The following GREB1L variants were observed in gnomAD, a reference collection of about 807,000 sequenced individuals.
The protein encoded by GREB1L is GREB1 like retinoic acid receptor coactivator, also known as GREB1-like protein.
Under a neutral mutation model 200.8 loss-of-function variants are expected in GREB1L, and 17 were observed. The observed-to-expected ratio is 0.08, with a 90% CI of 0.06 to 0.13. The LOEUF is 0.13. GREB1L is among the 10% of genes least tolerant of loss of function. The pLI is 1.00. For synonymous variants in GREB1L, 789 were observed against 893.0 expected, an observed-to-expected ratio of 0.88 and a Z score of 2.08; for missense variants, 1,657 against 2,367.7, an observed-to-expected ratio of 0.70 and a Z score of 6.23.
At chr18:21,335,890 C>G (rs572535328) in intron 1 of GREB1L, among the ~76,000 whole-genome samples, 1 of 152,090 alleles carries the variant, frequency 6.6e-6, no homozygotes, top group Admixed American at 6.5e-5. Flanking sequence ...GTCTCGATCT[C>G]CTGACCTCGT....
At chr18:21,335,853 C>CG (rs894712891) in intron 1 of GREB1L, among the ~76,000 whole-genome samples, 1 of 151,730 alleles carries the variant, frequency 6.6e-6, no homozygotes, top group Middle Eastern at 3.2e-3. Flanking sequence ...TTAGTAGAGA[C>CG]GGGGATTCAC....
At chr18:21,412,636 TGGGCAGAAGGA>T (rs1190010798) in intron 7 of GREB1L, among the ~76,000 whole-genome samples, 2 of 152,146 alleles carry the variant, frequency 1.3e-5, no homozygotes, top group African/African-American at 4.8e-5. Flanking sequence ...TGATCACCTC[TGGGCAGAAGGA>T]GGGAGATGGA....
intron 30 of GREB1L, among the ~76,000 whole-genome samples, chr18:21,517,020 C>T (rs1214350247): frequency 6.6e-6 from 1 of 151,552 alleles, no homozygotes; most frequent in Non-Finnish European, 1.5e-5. Flanking sequence ...ATTAGAGGTC[C>T]GTGCCACCAC....
intron 2 of GREB1L, among the ~76,000 whole-genome samples, chr18:21,372,317 T>C (rs2039906870): frequency 6.6e-6 from 1 of 151,702 alleles, no homozygotes; most frequent in South Asian, 2.1e-4. Context: ...CAGGCCAATT[T>C]TTGTATTTTT....
At position 21,525,986 on chromosome 18, in the gene GREB1L, C is replaced by T. The variant is rs553732859; in HGVS notation, c.*3165C>T. 6.6e-6 allele frequency among the ~76,000 whole-genome samples: 1 copy of T among 152,276 alleles called. No individual in the cohort carries two copies. The highest frequency in any genetic ancestry group is 2.4e-5 in the African/African-American group (1 of 41,560). On this transcript the variant is annotated 3_prime_UTR_variant, in exon 33 of 33. Coordinates refer to ENST00000424526, the MANE Select transcript of GREB1L (RefSeq NM_001142966.3). ...GAAAGTAAAGACTACTGGTGTTCCA[C>T]TATACATTCCAAAGCAGCTGCCTTG... is the stretch of plus-strand genomic sequence containing the variant.
chr18:21,252,475 T>C (rs1316741052), intron 1 of GREB1L, among the ~76,000 whole-genome samples: 1 of 149,438 alleles, frequency 6.7e-6, no homozygotes, highest in Non-Finnish European at 1.5e-5. Context: ...CAAAATCGCT[T>C]GAACCAGGGA....
At chr18:21,510,157 T>C (rs1450248290) in intron 27 of GREB1L, among the ~76,000 whole-genome samples, 2 of 148,264 alleles carry the variant, frequency 1.3e-5, no homozygotes, top group African/African-American at 2.5e-5. Context: ...GTGGCGGCAG[T>C]GAGCCAAGAT....
At chr18:21,341,064 T>C (rs1390018513) in intron 1 of GREB1L, among the ~76,000 whole-genome samples, 1 of 152,178 alleles carries the variant, frequency 6.6e-6, no homozygotes, top group Non-Finnish European at 1.5e-5. Context: ...GATTATGAAG[T>C]AGTGAAGCAT....
chr18:21,423,663 C>T (rs2032338040), intron 7 of GREB1L, among the ~76,000 whole-genome samples: 1 of 152,114 alleles, frequency 6.6e-6, no homozygotes. Flanking sequence ...AGTTTGAGAC[C>T]AGCCTGGGCA....
rs1184546161 is a variant in GREB1L, at chr18:21,427,633, C to T, written c.833-11888C>T. ...TGCTATTATAAAATGGAAGTTTTTC[C>T]TTAAGTATATTTTGGGGTTACTGCA... On this transcript the variant is annotated intron_variant, in intron 7 of 32. Transcript: ENST00000424526. Among the ~76,000 whole-genome samples, 5 of 152,158 alleles carry T rather than the reference C, an allele frequency of 3.3e-5. No individual in the cohort carries two copies. The East Asian group carries it at 9.7e-4, about 29-fold the overall frequency.
intron 1 of GREB1L, among the ~76,000 whole-genome samples, chr18:21,281,993 C>T (rs990406529): frequency 2.0e-5 from 3 of 152,090 alleles, no homozygotes; most frequent in Admixed American, 6.6e-5. Flanking sequence ...TATTGTGTGG[C>T]TAGGCACAGC....
Position 21,444,419 on chromosome 18 carries a change from T to C in GREB1L, c.1393+10T>C. 1 of 1,546,400 alleles carries C rather than the reference T, an allele frequency of 6.5e-7. No individual in the cohort carries two copies. Among genetic ancestry groups the C allele is most frequent in the East Asian group, 2.4e-5 (1 of 40,858 alleles). ...TATCTTGTGCGGCTGGGTAAGTCAT[T>C]TTCCATAATCATTTGCTGGTGACTA... On this transcript the variant is annotated intron_variant, in intron 11 of 32. Transcript: ENST00000424526.
intron 32 of GREB1L, among the ~76,000 whole-genome samples, chr18:21,521,114 G>A (rs909505249): frequency 1.1e-4 from 17 of 151,896 alleles, no homozygotes; most frequent in African/African-American, 3.4e-4. Flanking sequence ...GGAGAATGGC[G>A]TGAACCTGGG....
At chr18:21,254,255 A>G (rs755314368) in intron 1 of GREB1L, among the ~76,000 whole-genome samples, 2 of 151,716 alleles carry the variant, frequency 1.3e-5, no homozygotes, top group South Asian at 4.2e-4. Flanking sequence ...TTTTTAGTAC[A>G]GACAGGGTTT....
chr18:21,384,508 GT>G, intron 4 of GREB1L, 105 bp downstream of exon 4: 1 of 831,726 alleles, frequency 1.2e-6, no homozygotes, highest in South Asian at 1.8e-5. Context: ...AGTAATTATC[GT>G]ATGGAGAGGA....
intron 1 of GREB1L, among the ~76,000 whole-genome samples, chr18:21,304,116 TG>T (rs2038662060): frequency 6.6e-6 from 1 of 152,234 alleles, no homozygotes; most frequent in Non-Finnish European, 1.5e-5. Context: ...AGATATCATC[TG>T]GGTGTGACCT....
chr18:21,399,562 C>CT (rs1261934346), intron 5 of GREB1L, among the ~76,000 whole-genome samples: 2 of 151,840 alleles, frequency 1.3e-5, no homozygotes, highest in African/African-American at 4.8e-5. Context: ...CACTGGCAAC[C>CT]TTTTTTTGGC....
Position 21,513,818 on chromosome 18 carries a change from C to T in GREB1L, c.4736-3C>T, listed in dbSNP as rs1211744757. The T allele has an allele frequency of 5.8e-6, 9 of 1,550,726 alleles. No homozygotes were observed. On this transcript the variant is annotated splice_region_variant and splice_polypyrimidine_tract_variant and intron_variant, in intron 27 of 32. Transcript: ENST00000424526. ...ATGCAGATGTGGTTATGTTGCCTTC[C>T]AGGTGCTGCCAGGTTCCTCATCAAG...
At chr18:21,246,001 C>T (rs1165633537) in intron 1 of GREB1L, among the ~76,000 whole-genome samples, 3 of 152,198 alleles carry the variant, frequency 2.0e-5, no homozygotes, top group Admixed American at 6.6e-5. Context: ...GGATTACAGG[C>T]GTGAGCCACC....
Sources: gnomAD v4.1 joint callset for allele counts (sites outside exome capture counted in the v4.1 genomes callset) on GRCh38, gnomAD v4.1.1 for gene constraint, MANE v1.5 for transcripts, NCBI Gene and HGNC (gene_info 2026-07-23, HGNC 2026-07-21) for gene names.